Variants in MAP2K5 observed in about 807,000 individuals in gnomAD.
MAP2K5 encodes mitogen-activated protein kinase kinase 5.
Under a neutral mutation model 83.1 loss-of-function variants are expected in MAP2K5, and 49 were observed. That is an observed-to-expected ratio of 0.59 (90% CI 0.47 to 0.75). MAP2K5 has a LOEUF of 0.75. MAP2K5 is among the 30% of genes least tolerant of loss of function. The pLI, the probability that MAP2K5 is intolerant of heterozygous loss-of-function variation, is 0.00. For missense variants in MAP2K5, 457 were observed against 557.5 expected, an observed-to-expected ratio of 0.82 and a Z score of 1.82; for synonymous variants, 202 against 191.8, an observed-to-expected ratio of 1.05 and a Z score of -0.44.
intron 3 of MAP2K5, 94 bp from the exon 4 acceptor site, chr15:67,580,660 A>G (rs191319104): frequency 2.6e-5 from 21 of 798,758 alleles, no homozygotes; most frequent in Admixed American, 8.8e-5. Context: ...ATATACCAGC[A>G]ATTTACAAAA....
chr15:67,715,236 A>AG lies in MAP2K5; in HGVS notation c.1044+11837dup, dbSNP rs3837736. Among the ~76,000 whole-genome samples the AG allele has an allele frequency of 4.2e-4, 55 of 131,806 alleles. 1 individual carries two copies. Among genetic ancestry groups the AG allele is most frequent in the South Asian group, 1.5e-3 (6 of 3,946 alleles). 86.5% of individuals were successfully genotyped at this position (131,806 alleles called of 152,430 possible). A position where few individuals can be genotyped will look rare whatever the true frequency, so the allele number is the denominator to read the frequency against. On this transcript the variant is annotated intron_variant, in intron 16 of 21. Transcript: ENST00000178640. ...TCCACTGTCTTTTTTTTGGGCGGGG[A>AG]GGGGGGGGGTCTAAAATTGTGTGTA...
intron 15 of MAP2K5, among the ~76,000 whole-genome samples, chr15:67,701,223 T>G (rs1331286659): frequency 6.6e-6 from 1 of 152,230 alleles, no homozygotes; most frequent in Non-Finnish European, 1.5e-5. Context: ...TTTAGGATTT[T>G]CATGTTTGTT....
intron 21 of MAP2K5, among the ~76,000 whole-genome samples, chr15:67,797,514 C>T (rs1459086766): frequency 1.3e-5 from 2 of 152,206 alleles, no homozygotes; most frequent in Non-Finnish European, 2.9e-5. Flanking sequence ...CCTCTAACTT[C>T]TACTGTTGGT....
intron 17 of MAP2K5, among the ~76,000 whole-genome samples, chr15:67,739,132 C>A (rs1359602096): frequency 2.0e-5 from 3 of 151,514 alleles, no homozygotes; most frequent in Non-Finnish European, 1.5e-5. Flanking sequence ...ATTTAAAAAC[C>A]AGCTAGGTGT....
intron 8 of MAP2K5, among the ~76,000 whole-genome samples, chr15:67,615,093 G>C (rs1028136091): frequency 2.6e-5 from 4 of 152,042 alleles, no homozygotes; most frequent in African/African-American, 9.7e-5. Flanking sequence ...TGCCTGCCTG[G>C]TTCAAGTGAT....
chr15:67,752,020 A>G (rs1163040882), intron 19 of MAP2K5, among the ~76,000 whole-genome samples: 1 of 151,716 alleles, frequency 6.6e-6, no homozygotes, highest in African/African-American at 2.4e-5. Flanking sequence ...TTTTGTCCCA[A>G]CAACCTGACC....
chr15:67,666,037 A>T (rs563617582), intron 13 of MAP2K5, among the ~76,000 whole-genome samples: 30 of 152,316 alleles, frequency 2.0e-4, no homozygotes, highest in South Asian at 6.2e-4. Flanking sequence ...TTGATTCTTT[A>T]AAAAATGGAC....
intron 12 of MAP2K5, among the ~76,000 whole-genome samples, chr15:67,659,990 T>G (rs1253923994): frequency 6.6e-6 from 1 of 152,030 alleles, no homozygotes; most frequent in Non-Finnish European, 1.5e-5. Context: ...GCCTATTAAG[T>G]GAATGAAAAT....
chr15:67,743,673 T>C (rs768914955), intron 17 of MAP2K5, among the ~76,000 whole-genome samples: 1 of 152,202 alleles, frequency 6.6e-6, no homozygotes, highest in Non-Finnish European at 1.5e-5. Context: ...ATATGGACAC[T>C]TTGTTTTTGC....
At chr15:67,547,077 A>AACACACACACACACACACACACACACAC (rs59269114) in intron 1 of MAP2K5, among the ~76,000 whole-genome samples, 14 of 144,194 alleles carry the variant, frequency 9.7e-5, no homozygotes, top group African/African-American at 3.6e-4. Flanking sequence ...AAAAGAAGAA[A>AACACACACACACACACACACACACACAC]ACACACACAC....
rs1708146275 is a variant in MAP2K5 at position 67,637,291 on chromosome 15, C to G, written c.585+6364C>G. ...CATCTATCCTATTAGTTCTGTCCCT[C>G]TAGAGAACCCTGACTAATACAGAGA... On this transcript the variant is annotated intron_variant, in intron 9 of 21. Coordinates refer to ENST00000178640, the MANE Select transcript of MAP2K5 (RefSeq NM_145160.3). This position sits in a 1 kb window ranked among gnomAD's most constrained non-coding sequence, Gnocchi z 4.5. 6.6e-6 allele frequency among the ~76,000 whole-genome samples: 1 copy of G among 152,160 alleles called. No individual in the cohort carries two copies. Among genetic ancestry groups the G allele is most frequent in the Admixed American group, 6.5e-5 (1 of 15,286 alleles).
At position 67,774,535 on chromosome 15, in the gene MAP2K5, T is replaced by C. The variant is rs190984673; in HGVS notation, c.1242+1783T>C. On this transcript the variant is annotated intron_variant, in intron 21 of 21. Coordinates refer to ENST00000178640, the MANE Select transcript of MAP2K5 (RefSeq NM_145160.3). The surrounding 1 kb of genome is among the most constrained non-coding windows in gnomAD (Gnocchi z 4.9). ...ACTTTGGGCAAAAGATTGGGCCCAA[T>C]AGGGGATGGGAAAGAAAGTGGGTTT... 6.6e-6 allele frequency among the ~76,000 whole-genome samples: 1 copy of C among 152,040 alleles called. No individual in the cohort carries two copies. Among genetic ancestry groups the C allele is most frequent in the Admixed American group, 6.5e-5 (1 of 15,272 alleles).
At chr15:67,600,551 A>G in intron 7 of MAP2K5, 134 bp from the exon 8 acceptor site, 1 of 666,120 alleles carries the variant, frequency 1.5e-6, no homozygotes, top group East Asian at 2.8e-5. Flanking sequence ...CAAACGTTGT[A>G]TTGATCTTCT....
At chr15:67,625,639 C>T (rs1208087791) in intron 8 of MAP2K5, among the ~76,000 whole-genome samples, 1 of 152,126 alleles carries the variant, frequency 6.6e-6, no homozygotes, top group East Asian at 1.9e-4. Flanking sequence ...AAGTAAATAC[C>T]ATTTGGAAAG....
intron 16 of MAP2K5, among the ~76,000 whole-genome samples, chr15:67,713,578 A>C (rs1195632600): frequency 1.3e-5 from 2 of 152,226 alleles, no homozygotes; most frequent in African/African-American, 2.4e-5. Flanking sequence ...TCTACTAAAA[A>C]TACAAAAATT....
chr15:67,754,650 A>G (rs1397383460), intron 19 of MAP2K5, among the ~76,000 whole-genome samples: 1 of 152,206 alleles, frequency 6.6e-6, no homozygotes, highest in African/African-American at 2.4e-5. Context: ...AGGAGATGAT[A>G]TTTGAGCTGG....
At chr15:67,583,797 C>G (rs905093197) in intron 4 of MAP2K5, among the ~76,000 whole-genome samples, 9 of 152,098 alleles carry the variant, frequency 5.9e-5, no homozygotes, top group Non-Finnish European at 8.8e-5. Flanking sequence ...CTCTATCACC[C>G]AGGCTGGAGT....
chr15:67,751,678 G>A (rs1271991101), intron 19 of MAP2K5, among the ~76,000 whole-genome samples: 2 of 152,192 alleles, frequency 1.3e-5, no homozygotes, highest in Non-Finnish European at 2.9e-5. Context: ...CCTGTTGACG[G>A]AGTGTGGTGA....
intron 17 of MAP2K5, among the ~76,000 whole-genome samples, chr15:67,730,843 A>G (rs547358981): frequency 2.8e-4 from 43 of 152,294 alleles, no homozygotes; most frequent in African/African-American, 9.6e-4. Context: ...GGAGCCCTGG[A>G]CCATGAGCCA....
Sources: allele counts gnomAD v4.1 joint callset (sites outside exome capture counted in the v4.1 genomes callset), GRCh38; gene constraint gnomAD v4.1.1; non-coding constraint Gnocchi (gnomAD v3.1); transcripts MANE v1.5; gene names NCBI Gene and HGNC (gene_info 2026-07-23, HGNC 2026-07-21).